Variants in GRIN2D observed in about 807,000 individuals in gnomAD.
The protein encoded by GRIN2D is glutamate receptor ionotropic, NMDA 2D.
A neutral mutation model predicts 103.2 loss-of-function variants in GRIN2D; 37 were observed. The observed-to-expected ratio is 0.36, with a 90% CI of 0.28 to 0.47. The LOEUF (loss-of-function observed/expected upper bound fraction) is 0.47, where lower values mean the gene tolerates loss of function less well. Ranked by LOEUF, GRIN2D falls within the 20% of genes least tolerant of loss-of-function variation. The pLI is 1.00. For missense variants in GRIN2D, 1,557 were observed against 1,910.6 expected, an observed-to-expected ratio of 0.81 and a Z score of 3.45; for synonymous variants, 845 against 885.6, an observed-to-expected ratio of 0.95 and a Z score of 0.81.
In GRIN2D at chr19:48,398,763, C is replaced by T. The variant is rs1203032200; in HGVS notation, c.371C>T (p.Pro124Leu). ...GVVFEDDSRA[P>L]AVAPILDFLS... ...GTCTTCGAAGACGACTCGCGCGCGC[C>T]CGCCGTCGCGCCCATCCTCGACTTC... Residue 124 changes from proline to leucine, a missense_variant, in exon 3 of 14, where the codon CCC (proline) becomes CTC (leucine). Physicochemically the swap from Pro to Leu is moderately conservative, Grantham distance 98 (BLOSUM62 -3). Coordinates refer to ENST00000263269, the MANE Select transcript of GRIN2D (RefSeq NM_000836.4). 6.8e-7 allele frequency: 1 copy of T among 1,465,980 alleles called. No homozygotes were observed. Among genetic ancestry groups the T allele is most frequent in the South Asian group, 1.3e-5 (1 of 77,124 alleles). 90.8% of individuals were successfully genotyped at this position (1,465,980 alleles called of 1,614,324 possible). A position where few individuals can be genotyped will look rare whatever the true frequency, so the allele number is the denominator to read the frequency against.
At position 48,443,604 on chromosome 19, in the gene GRIN2D, C is replaced by T. The variant is rs1971337172; in HGVS notation, c.3678C>T (p.Cys1226=). Residue 1226 remains cysteine, a synonymous_variant, in exon 14 of 14, where the codon TGC becomes TGT. Coordinates refer to ENST00000263269, the MANE Select transcript of GRIN2D (RefSeq NM_000836.4). This position sits in a 1 kb window ranked among gnomAD's most constrained non-coding sequence, Gnocchi z 8.9. ...AGPLPRRRAR[C]GCPRSHPHRP... ...CCCTGCCCCGACGCCGGGCCCGCTG[C>T]GGGTGCCCGCGGTCGCACCCGCACC... is the stretch of plus-strand genomic sequence containing the variant. 8.9e-7 allele frequency: 1 copy of T among 1,123,978 alleles called. No homozygotes were observed. The highest frequency in any genetic ancestry group is 1.1e-6 in the Non-Finnish European group (1 of 921,052). The allele number at this position is 1,123,978 out of a possible 1,614,324, so 69.6% of individuals were successfully genotyped here.
At position 48,443,790 on chromosome 19, in the gene GRIN2D, C is replaced by T; in HGVS notation, c.3864C>T (p.Thr1288=). The T allele has an allele frequency of 6.8e-7, 1 of 1,467,706 alleles. No individual in the cohort carries two copies. Among genetic ancestry groups the T allele is most frequent in the African/African-American group, 1.5e-5 (1 of 67,972 alleles). 90.9% of individuals were successfully genotyped at this position (1,467,706 alleles called of 1,614,324 possible). The change falls in exon 14 of 14, where the codon ACC becomes ACT. Residue 1288 remains threonine (T), a synonymous_variant. Transcript: ENST00000263269. This position sits in a 1 kb window ranked among gnomAD's most constrained non-coding sequence, Gnocchi z 8.9. The part of the protein sequence containing the change: ...CPRAAPARRL[T]GPSRHARRCP... The stretch of plus-strand genomic sequence containing the variant: ...GCGCCGCCCCTGCGCGCAGGCTTAC[C>T]GGGCCCTCCCGCCACGCTCGCAGGT...
intron 11 of GRIN2D, among the ~76,000 whole-genome samples, chr19:48,425,682 T>C (rs988122416): frequency 6.6e-5 from 10 of 152,188 alleles, no homozygotes; most frequent in Non-Finnish European, 1.5e-5. Flanking sequence ...GCAGGATACC[T>C]GTATTTTTTT....
In GRIN2D at chr19:48,394,312, G is replaced by A. The variant is rs28625353; in HGVS notation, c.-305-346G>A. ...TCTGCCTGTGTTTGAGAGTGGGGGA[G>A]TCAAGGGGGGGTCTAGAGGTGGCCA... On this transcript the variant is annotated intron_variant, in intron 1 of 13. Transcript: ENST00000263269. The surrounding 1 kb of genome is among the most constrained non-coding windows in gnomAD (Gnocchi z 5.1). Among the ~76,000 whole-genome samples, 745 of 151,340 alleles carry A rather than the reference G, an allele frequency of 4.9e-3. 6 individuals carry two copies. Among genetic ancestry groups the A allele is most frequent in the African/African-American group, 0.017 (714 of 40,954 alleles).
intron 2 of GRIN2D, among the ~76,000 whole-genome samples, chr19:48,395,817 C>T (rs1569056296): frequency 1.3e-5 from 2 of 152,026 alleles, no homozygotes; most frequent in Non-Finnish European, 2.9e-5. Flanking sequence ...AGCCGGAACC[C>T]GGACTCCTGG....
chr19:48,444,680 C>G lies in GRIN2D; in HGVS notation c.*743C>G, dbSNP rs1343583456. 1.3e-5 allele frequency: 2 copies of G among 152,818 alleles called. No homozygotes were observed. The highest frequency in any genetic ancestry group is 4.8e-5 in the African/African-American group (2 of 41,424). The allele number at this position is 152,818 out of a possible 1,614,324, so 9.5% of individuals were successfully genotyped here. A position where few individuals can be genotyped will look rare whatever the true frequency, so the allele number is the denominator to read the frequency against. On this transcript the variant is annotated 3_prime_UTR_variant, in exon 14 of 14. Transcript: ENST00000263269. This position sits in a 1 kb window ranked among gnomAD's most constrained non-coding sequence, Gnocchi z 5.5. ...ACCTCCCTGAAGCCAAAACTTCCCACCCTGCCGCACCTCCGGACCACCCCA... is the reference window on the plus strand; with the variant it reads ...ACCTCCCTGAAGCCAAAACTTCCCAGCCTGCCGCACCTCCGGACCACCCCA...
chr19:48,407,945 C>G (rs1487505001), intron 4 of GRIN2D, among the ~76,000 whole-genome samples: 2 of 152,040 alleles, frequency 1.3e-5, no homozygotes, highest in Non-Finnish European at 2.9e-5. Context: ...CTCAGCATTT[C>G]GGGAGGCTGA....
chr19:48,415,086 C>T, intron 7 of GRIN2D, 54 bp downstream of exon 7: 2 of 1,478,544 alleles, frequency 1.4e-6, no homozygotes, highest in Non-Finnish European at 1.8e-6. Flanking sequence ...GAGAGGCGGG[C>T]ACAGCCGGGC....
At position 48,421,717 on chromosome 19, in the gene GRIN2D, A is replaced by C; in HGVS notation, c.2092-68A>C. The C allele has an allele frequency of 7.3e-7, 1 of 1,367,732 alleles. No individual in the cohort carries two copies. The highest frequency in any genetic ancestry group is 1.0e-6 in the Non-Finnish European group (1 of 970,228). The allele number at this position is 1,367,732 out of a possible 1,614,324, so 84.7% of individuals were successfully genotyped here. On this transcript the variant is annotated intron_variant, in intron 10 of 13. Transcript: ENST00000263269. This position sits in a 1 kb window ranked among gnomAD's most constrained non-coding sequence, Gnocchi z 4.8. Reference sequence around the variant, plus strand: ...GTCTGCCAGATAGCGGGTGTGTCTCAGAATGGGTGATTTATGTTAGGGATG... The same window carrying C: ...GTCTGCCAGATAGCGGGTGTGTCTCCGAATGGGTGATTTATGTTAGGGATG...
In GRIN2D at chr19:48,421,701, A is replaced by G; in HGVS notation, c.2092-84A>G. ...CTCCTGGGACTGGGGTGTCTGCCAG[A>G]TAGCGGGTGTGTCTCAGAATGGGTG... On this transcript the variant is annotated intron_variant, in intron 10 of 13. Transcript: ENST00000263269. This position sits in a 1 kb window ranked among gnomAD's most constrained non-coding sequence, Gnocchi z 4.8. 8.9e-7 allele frequency: 1 copy of G among 1,125,402 alleles called. No individual in the cohort carries two copies. Among genetic ancestry groups the G allele is most frequent in the Non-Finnish European group, 1.3e-6 (1 of 757,058 alleles). The allele number at this position is 1,125,402 out of a possible 1,614,324, so 69.7% of individuals were successfully genotyped here. A position where few individuals can be genotyped will look rare whatever the true frequency, so the allele number is the denominator to read the frequency against.
rs948689112 is a variant in GRIN2D, at chr19:48,443,849, C to T, written c.3923C>T (p.Pro1308Leu). The change falls in exon 14 of 14, where the codon CCC becomes CTC. Residue 1308 changes from proline (P) to leucine (L), a missense_variant. Pro to Leu is a moderately conservative substitution (Grantham distance 98). Transcript: ENST00000263269. The surrounding 1 kb of genome is among the most constrained non-coding windows in gnomAD (Gnocchi z 8.9). ...PHAAHWGPPL[P>L]TASHRRHRGG... ...GCCGCGCACTGGGGGCCGCCGCTGC[C>T]CACAGCTTCCCACCGGAGACACCGG... 6.8e-5 allele frequency: 101 copies of T among 1,485,166 alleles called. 1 individual carries two copies. In the East Asian group the frequency reaches 2.9e-3, roughly 43 times the overall value. 92.0% of individuals were successfully genotyped at this position (1,485,166 alleles called of 1,614,324 possible).
intron 2 of GRIN2D, among the ~76,000 whole-genome samples, chr19:48,395,769 G>C (rs772226316): frequency 4.6e-5 from 7 of 152,100 alleles, no homozygotes; most frequent in Non-Finnish European, 8.8e-5. Flanking sequence ...GGAAGGATAG[G>C]GTTTGAAACC....
chr19:48,442,314 G>C lies in GRIN2D; in HGVS notation c.2605G>C (p.Val869Leu). The C allele has an allele frequency of 6.2e-7, 1 of 1,614,024 alleles. No individual in the cohort carries two copies. Among genetic ancestry groups the C allele is most frequent in the Non-Finnish European group, 8.5e-7 (1 of 1,180,026 alleles). ...SLLVFAWEHL[V>L]YWRLRHCLGP... ...GCTGGTCTTCGCCTGGGAGCACCTG[G>C]TGTACTGGCGCCTGCGGCACTGCCT... Residue 869 changes from valine to leucine, a missense_variant, in exon 13 of 14, where the codon GTG becomes CTG. This residue lies in a region of GRIN2D where 138 missense variants were observed against 270.2 expected (regional missense o/e 0.51). Coordinates refer to ENST00000263269, the MANE Select transcript of GRIN2D (RefSeq NM_000836.4). The surrounding 1 kb of genome is among the most constrained non-coding windows in gnomAD (Gnocchi z 7.2).
chr19:48,407,489 A>G lies in GRIN2D; in HGVS notation c.1085+2136A>G, dbSNP rs543194351. Among the ~76,000 whole-genome samples the G allele has an allele frequency of 4.0e-4, 61 of 152,300 alleles. No individual in the cohort carries two copies. In the South Asian group the frequency reaches 0.012, roughly 31 times the overall value. On this transcript the variant is annotated intron_variant, in intron 4 of 13. Transcript: ENST00000263269. ...AATGTCATCCCAAGAGAGGAAATGT[A>G]TTAGCCTCAGTCTGCCTTCCAAACC...
chr19:48,398,904 G>A (rs1215564888), intron 3 of GRIN2D, 47 bp downstream of exon 3: 1 of 1,235,532 alleles, frequency 8.1e-7, no homozygotes, highest in South Asian at 2.5e-5. Flanking sequence ...GGCGGGGACA[G>A]CCGCTGAGGG....
chr19:48,403,397 G>C (rs1383640618), intron 3 of GRIN2D, among the ~76,000 whole-genome samples: 2 of 152,162 alleles, frequency 1.3e-5, no homozygotes, highest in Non-Finnish European at 2.9e-5. Flanking sequence ...TACTTGACAA[G>C]TGGTTAGTGC....
Position 48,428,829 on chromosome 19 carries a change from C to G in GRIN2D, c.2252+6884C>G, listed in dbSNP as rs527997543. 3.3e-5 allele frequency among the ~76,000 whole-genome samples: 5 copies of G among 152,260 alleles called. No individual in the cohort carries two copies. The South Asian group carries it at 1.0e-3, about 32-fold the overall frequency. ...ATGTGAATTTGGTGAGGGAACACAA[C>G]TAAACCCTTAAGACCTCATAAAAAA... On this transcript the variant is annotated intron_variant, in intron 11 of 13. Coordinates refer to ENST00000263269, the MANE Select transcript of GRIN2D (RefSeq NM_000836.4).
In GRIN2D at chr19:48,443,728, A is replaced by C. The variant is rs1971341203; in HGVS notation, c.3802A>C (p.Thr1268Pro). The C allele has an allele frequency of 7.5e-7, 1 of 1,337,388 alleles. No individual in the cohort carries two copies. Among genetic ancestry groups the C allele is most frequent in the Non-Finnish European group, 9.6e-7 (1 of 1,046,228 alleles). 82.8% of individuals were successfully genotyped at this position (1,337,388 alleles called of 1,614,324 possible). ...CTGGGACCTCCCGCCGCCCGCGCCC[A>C]CCTCGCGCTCGCTCGAGGACCTCAG... ...GGWDLPPPAPTSRSLEDLSSC... is the reference protein window; with the variant it reads ...GGWDLPPPAPPSRSLEDLSSC... The change falls in exon 14 of 14, where the codon ACC (threonine) becomes CCC (proline). Residue 1268 changes from threonine (T) to proline (P), a missense_variant. Around this residue, in one of 7 missense-constraint regions of GRIN2D, gnomAD observed 632 missense variants for 572.8 expected, o/e 1.10. Coordinates refer to ENST00000263269, the MANE Select transcript of GRIN2D (RefSeq NM_000836.4). This position sits in a 1 kb window ranked among gnomAD's most constrained non-coding sequence, Gnocchi z 8.9.
chr19:48,404,392 G>C (rs1340828965), intron 3 of GRIN2D, among the ~76,000 whole-genome samples: 1 of 151,246 alleles, frequency 6.6e-6, no homozygotes, highest in African/African-American at 2.4e-5. Flanking sequence ...ATTAGGCTGG[G>C]CACGGCAGGA....
Sources: allele counts gnomAD v4.1 joint callset (sites outside exome capture counted in the v4.1 genomes callset), GRCh38; gene constraint gnomAD v4.1.1; regional missense constraint gnomAD v4.1.1; non-coding constraint Gnocchi (gnomAD v3.1); transcripts MANE v1.5; gene names NCBI Gene and HGNC (gene_info 2026-07-23, HGNC 2026-07-21).